The following ASPM variants were observed in gnomAD, a reference collection of about 807,000 sequenced individuals.
The protein encoded by ASPM is assembly factor for spindle microtubules.
ASPM carries 256 observed loss-of-function variants against 366.4 expected under a neutral mutation model. The observed-to-expected ratio is 0.70, with a 90% CI of 0.63 to 0.77. The LOEUF is 0.77. Among genes scored for constraint, ASPM ranks in the 30% least tolerant of loss-of-function variants. The pLI, the probability that ASPM is intolerant of heterozygous loss-of-function variation, is 0.00. For missense variants in ASPM, 4,146 were observed against 4,090.4 expected, an observed-to-expected ratio of 1.01 and a Z score of -0.37; for synonymous variants, 1,414 against 1,342.9, an observed-to-expected ratio of 1.05 and a Z score of -1.16.
intron 4 of ASPM, chr1:197,139,325 G>A (rs147536851): frequency 3.0e-5 from 21 of 711,744 alleles, no homozygotes; most frequent in Admixed American, 6.8e-5. Flanking sequence ...GGCCGGGCGC[G>A]GTGGCTCACG....
chr1:197,106,509 G>T (rs1657414938), intron 17 of ASPM, among the ~76,000 whole-genome samples: 1 of 151,908 alleles, frequency 6.6e-6, no homozygotes, highest in East Asian at 1.9e-4. Flanking sequence ...CTCAAACTAA[G>T]AAATTGAAGA....
rs1658797035 is a variant in ASPM, at chr1:197,146,612, A to G, written c.-175T>C. 9 of 678,040 alleles carry G rather than the reference A, an allele frequency of 1.3e-5. No individual in the cohort carries two copies. The highest frequency in any genetic ancestry group is 9.9e-6 in the Non-Finnish European group (4 of 402,314). 42.0% of individuals were successfully genotyped at this position (678,040 alleles called of 1,614,324 possible). A position where few individuals can be genotyped will look rare whatever the true frequency, so the allele number is the denominator to read the frequency against. ...CCTACTCCCTAGAAAACAGAAAACA[A>G]GCCCAATAAACTCGCAAATTAAAAA... On this transcript the variant is annotated 5_prime_UTR_variant, in exon 1 of 28. Coordinates refer to ENST00000367409, the MANE Select transcript of ASPM (RefSeq NM_018136.5).
At position 197,130,053 on chromosome 1, in the gene ASPM, T is replaced by C. The variant is rs1005582054; in HGVS notation, c.2491A>G (p.Thr831Ala). Residue 831 changes from threonine (T) to alanine (A), a missense_variant, in exon 8 of 28, where the codon ACT becomes GCT. By Grantham distance (58) the Thr-to-Ala change is moderately conservative. This residue lies in a region of ASPM where 3,624 missense variants were observed against 3,591.7 expected (regional missense o/e 1.01). Coordinates refer to ENST00000367409, the MANE Select transcript of ASPM (RefSeq NM_018136.5). ...PLWLRIGLETTYGELISLEDN... is the reference protein window; with the variant it reads ...PLWLRIGLETAYGELISLEDN... ...TCCAAAGATATGAGTTCTCCATAAG[T>C]TGTCTGAAAATAAATTAAAGCCAAA... 1.7e-5 allele frequency: 27 copies of C among 1,613,544 alleles called. No individual in the cohort carries two copies. The highest frequency in any genetic ancestry group is 3.3e-5 in the Admixed American group (2 of 59,992).
rs757428509 is a variant in ASPM, at chr1:197,146,485, G to A, written c.-48C>T. 2 of 1,594,030 alleles carry A rather than the reference G, an allele frequency of 1.3e-6. No homozygotes were observed. Among genetic ancestry groups the A allele is most frequent in the African/African-American group, 1.3e-5 (1 of 74,822 alleles). ...GATCTCCTTGCCCCGCTCCCACGAG[G>A]CGGCTCCGGAGCGGGGATCCGGGAC... On this transcript the variant is annotated 5_prime_UTR_variant, in exon 1 of 28. Transcript: ENST00000367409.
intron 17 of ASPM, among the ~76,000 whole-genome samples, chr1:197,108,219 A>AT (rs1454415520): frequency 1.3e-5 from 2 of 151,864 alleles, no homozygotes; most frequent in Non-Finnish European, 2.9e-5. Flanking sequence ...AACTGAATGA[A>AT]AAAAAAATAC....
At chr1:197,116,872 A>G (rs1365695539) in intron 17 of ASPM, among the ~76,000 whole-genome samples, 2 of 152,200 alleles carry the variant, frequency 1.3e-5, no homozygotes, top group African/African-American at 4.8e-5. Context: ...TATTGTGTTT[A>G]AAGAAAACAC....
rs1656516001 is a variant in ASPM, at chr1:197,084,285, A to G, written c.*39T>C. On this transcript the variant is annotated 3_prime_UTR_variant, in exon 28 of 28. Coordinates refer to ENST00000367409, the MANE Select transcript of ASPM (RefSeq NM_018136.5). ...TTACGTACTCATGATTGGCTTTAAT[A>G]TTTCTTTACACTATACATACTGAAA... The G allele has an allele frequency of 2.1e-6, 3 of 1,463,356 alleles. No individual in the cohort carries two copies. The highest frequency in any genetic ancestry group is 1.7e-4 in the Middle Eastern group (1 of 5,780). The allele number at this position is 1,463,356 out of a possible 1,614,324, so 90.6% of individuals were successfully genotyped here.
rs1427835276 is a variant in ASPM, at chr1:197,090,928, T to C, written c.9558A>G (p.Ser3186=). 1.2e-6 allele frequency: 2 copies of C among 1,613,394 alleles called. No individual in the cohort carries two copies. The highest frequency in any genetic ancestry group is 1.3e-5 in the African/African-American group (1 of 74,896). The change falls in exon 23 of 28, where the codon TCA becomes TCG. Residue 3186 remains serine, a synonymous_variant. Coordinates refer to ENST00000367409, the MANE Select transcript of ASPM (RefSeq NM_018136.5). ...ECLSQRNRAA[S]VIQKAVRHFL... is the part of the protein sequence containing the mutation. The stretch of plus-strand genomic sequence containing the variant: ...AATGGCGCACTGCTTTCTGTATTAC[T>C]GATGCAGCCCTATTTCGCTGGCTCA...
At chr1:197,120,954 T>C (rs1344966307) in intron 16 of ASPM, among the ~76,000 whole-genome samples, 1 of 152,098 alleles carries the variant, frequency 6.6e-6, no homozygotes, top group African/African-American at 2.4e-5. Flanking sequence ...CCAAGTCTGG[T>C]GTGAAATGAA....
At chr1:197,096,911 T>C (rs1656991824) in intron 18 of ASPM, among the ~76,000 whole-genome samples, 1 of 151,578 alleles carries the variant, frequency 6.6e-6, no homozygotes, top group South Asian at 2.1e-4. Context: ...AGGAAAAAAA[T>C]CCAAAATTGA....
chr1:197,100,067 A>C (rs1657103291), intron 18 of ASPM, among the ~76,000 whole-genome samples: 1 of 151,754 alleles, frequency 6.6e-6, no homozygotes. Context: ...AAGTTACTCT[A>C]TTTTGCCTAT....
At position 197,091,031 on chromosome 1, in the gene ASPM, C is replaced by T. The variant is rs565600060; in HGVS notation, c.9455G>A (p.Arg3152Gln). 40 of 1,609,350 alleles carry T rather than the reference C, an allele frequency of 2.5e-5. No individual in the cohort carries two copies. Among genetic ancestry groups the T allele is most frequent in the Admixed American group, 8.4e-5 (5 of 59,866 alleles). ...AAATCTCTTTTCTTGTAATCTTGCT[C>T]GAAACCATCTCTGTTTAAAACATAG... ...NSVICIQRWF[R>Q]ARLQEKRFIQ... The change falls in exon 23 of 28, where the codon CGA becomes CAA. Residue 3152 changes from arginine (R) to glutamine (Q), a missense_variant. Around this residue, in one of 3 missense-constraint regions of ASPM, gnomAD observed 3,624 missense variants for 3,591.7 expected, o/e 1.01. Coordinates refer to ENST00000367409, the MANE Select transcript of ASPM (RefSeq NM_018136.5).
At chr1:197,090,604 G>A (rs1032750949) in intron 23 of ASPM, among the ~76,000 whole-genome samples, 7 of 152,004 alleles carry the variant, frequency 4.6e-5, no homozygotes, top group Non-Finnish European at 7.4e-5. Context: ...AGCATTTATC[G>A]ACCAAAGATG....
chr1:197,105,292 T>G, intron 17 of ASPM, 107 bp from the exon 18 acceptor site: 1 of 885,240 alleles, frequency 1.1e-6, no homozygotes, highest in Non-Finnish European at 1.7e-6. Context: ...ATAAACACAT[T>G]GAATTAGAAA....
chr1:197,144,379 G>A (rs1658701722), intron 1 of ASPM, among the ~76,000 whole-genome samples: 1 of 152,086 alleles, frequency 6.6e-6, no homozygotes, highest in Non-Finnish European at 1.5e-5. Context: ...TGTTTGAGTG[G>A]TTTCAAAAGA....
At position 197,103,357 on chromosome 1, in the gene ASPM, C is replaced by A; in HGVS notation, c.5894G>T (p.Arg1965Ile). The A allele has an allele frequency of 1.2e-6, 2 of 1,613,216 alleles. No homozygotes were observed. The highest frequency in any genetic ancestry group is 1.7e-6 in the Non-Finnish European group (2 of 1,179,470). The change falls in exon 18 of 28, where the codon AGA becomes ATA. Residue 1965 changes from arginine to isoleucine, a missense_variant. Physicochemically the swap from Arg to Ile is moderately conservative, Grantham distance 97. Around this residue, in one of 3 missense-constraint regions of ASPM, gnomAD observed 3,624 missense variants for 3,591.7 expected, o/e 1.01. Transcript: ENST00000367409. ...QSMWKGKTLR[R>I]QLQRQHKCAI... Reference sequence around the variant, plus strand: ...ACATTTATGTTGCCTTTGAAGCTGTCTTCTCAGTGTTTTTCCCTTCCACAT... The same window carrying A: ...ACATTTATGTTGCCTTTGAAGCTGTATTCTCAGTGTTTTTCCCTTCCACAT...
In ASPM at chr1:197,101,990, A is replaced by C. The variant is rs1434329547; in HGVS notation, c.7261T>G (p.Leu2421Val). The C allele has an allele frequency of 6.2e-7, 1 of 1,612,912 alleles. No homozygotes were observed. Among genetic ancestry groups the C allele is most frequent in the Non-Finnish European group, 8.5e-7 (1 of 1,179,304 alleles). The change falls in exon 18 of 28, where the codon TTA (leucine) becomes GTA (valine). Residue 2421 changes from leucine to valine, a missense_variant. Physicochemically the swap from Leu to Val is conservative, Grantham distance 32. Coordinates refer to ENST00000367409, the MANE Select transcript of ASPM (RefSeq NM_018136.5). ...GAAATGAATCTTCTCCTCACCAGTA[A>C]TGATCTAAACCTACTCTGAATAAGG... is the stretch of plus-strand genomic sequence containing the variant. ...ATLIQSRFRS[L>V]LVRRRFISLK...
chr1:197,123,172 C>T (rs1275127810), intron 13 of ASPM, among the ~76,000 whole-genome samples: 2 of 152,146 alleles, frequency 1.3e-5, no homozygotes, highest in Admixed American at 6.6e-5. Context: ...CCTAAGAACA[C>T]TAGACAGGGC....
chr1:197,111,980 A>C (rs914389219), intron 17 of ASPM, among the ~76,000 whole-genome samples: 9 of 152,180 alleles, frequency 5.9e-5, no homozygotes, highest in African/African-American at 2.2e-4. Flanking sequence ...AAAAGCAGAA[A>C]TACCATTCAA....
Sources: allele counts gnomAD v4.1 joint callset (sites outside exome capture counted in the v4.1 genomes callset), GRCh38; gene constraint gnomAD v4.1.1; regional missense constraint gnomAD v4.1.1; transcripts MANE v1.5; gene names NCBI Gene and HGNC (gene_info 2026-07-23, HGNC 2026-07-21).